The following NR4A1 variants were observed in gnomAD, a reference collection of about 807,000 sequenced individuals.
NR4A1 encodes nuclear receptor subfamily 4 group A member 1.
In NR4A1, 24 loss-of-function variants were observed where a neutral mutation model predicts 47.5. The observed-to-expected ratio is 0.50, with a 90% CI of 0.37 to 0.71. NR4A1 has a LOEUF of 0.71. NR4A1 is among the 30% of genes least tolerant of loss of function. NR4A1 has a pLI of 0.00. For synonymous variants in NR4A1, 353 were observed against 345.7 expected (o/e 1.02, Z -0.24); for missense variants, 669 against 788.6 (o/e 0.85, Z 1.82).
chr12:52,054,489 G>A lies in NR4A1; in HGVS notation c.161G>A (p.Ser54Asn). 6.2e-7 allele frequency: 1 copy of A among 1,613,828 alleles called. No homozygotes were observed. Among genetic ancestry groups the A allele is most frequent in the Non-Finnish European group, 8.5e-7 (1 of 1,179,966 alleles). The change falls in exon 2 of 7, where the codon AGC (serine) becomes AAC (asparagine). Residue 54 changes from serine (S) to asparagine (N), a missense_variant. Ser to Asn is a conservative substitution (Grantham distance 46). Transcript: ENST00000394825. ...GCCCCCACTGCCCTGCCCAGCTTCA[G>A]CACCTTCATGGACGGCTACACAGGA... Reference protein sequence around the residue: ...PAAPTALPSFSTFMDGYTGEF... With the variant: ...PAAPTALPSFNTFMDGYTGEF...
At chr12:52,051,760 G>A in intron 1 of NR4A1, among the ~76,000 whole-genome samples, 192 bp downstream of exon 1, 1 of 152,184 alleles carries the variant, frequency 6.6e-6, no homozygotes, top group Non-Finnish European at 1.5e-5. Flanking sequence ...AGGTAGGGGA[G>A]GTTGACTACC....
At chr12:52,042,585 A>G (rs966535619) in intron 2 of NR4A1, among the ~76,000 whole-genome samples, 5 of 152,152 alleles carry the variant, frequency 3.3e-5, no homozygotes, top group Non-Finnish European at 7.4e-5. Context: ...GGGGTCCTGC[A>G]GTGAGGATGT....
chr12:52,051,805 G>A (rs919945752), intron 1 of NR4A1, among the ~76,000 whole-genome samples: 1 of 152,082 alleles, frequency 6.6e-6, no homozygotes, highest in Non-Finnish European at 1.5e-5. Context: ...TGGGGTTGGC[G>A]CCGGGAGTAG....
chr12:52,024,691 C>CAAGAAAGAAAGAAGAAGAAGAA (rs1937968669), intron 1 of NR4A1, among the ~76,000 whole-genome samples: 1 of 150,068 alleles, frequency 6.7e-6, no homozygotes, highest in Non-Finnish European at 1.5e-5. Context: ...GATCCTGTCA[C>CAAGAAAGAAAGAAGAAGAAGAA]AAGAAAGAAA....
chr12:52,039,892 T>C (rs991159552), intron 1 of NR4A1, among the ~76,000 whole-genome samples: 2 of 152,168 alleles, frequency 1.3e-5, no homozygotes, highest in Admixed American at 1.3e-4. Context: ...GAATGGCAGA[T>C]GCAGAGGCCC....
intron 1 of NR4A1, among the ~76,000 whole-genome samples, chr12:52,033,669 G>A (rs911156998): frequency 1.3e-5 from 2 of 152,204 alleles, no homozygotes; most frequent in Non-Finnish European, 2.9e-5. Flanking sequence ...CCCCATCTGG[G>A]CGGTGTCTCT....
intron 1 of NR4A1, among the ~76,000 whole-genome samples, chr12:52,034,141 G>A (rs1272253842): frequency 1.3e-5 from 2 of 152,200 alleles, no homozygotes; most frequent in Non-Finnish European, 2.9e-5. Flanking sequence ...AAGGTTTGGG[G>A]GCAGCCTCTC....
chr12:52,028,634 G>T (rs190093605), intron 1 of NR4A1, among the ~76,000 whole-genome samples: 1 of 150,818 alleles, frequency 6.6e-6, no homozygotes, highest in Non-Finnish European at 1.5e-5. Context: ...GGCCAGGCGC[G>T]GTAGCTCATG....
In NR4A1 at chr12:52,045,630, G is replaced by A. The variant is rs1033220465; in HGVS notation, c.37+3701G>A. 1.5e-5 allele frequency: 6 copies of A among 411,234 alleles called. No individual in the cohort carries two copies. The East Asian group carries it at 2.4e-4, about 17-fold the overall frequency. The allele number at this position is 411,234 out of a possible 1,614,324, so 25.5% of individuals were successfully genotyped here. A position where few individuals can be genotyped will look rare whatever the true frequency, so the allele number is the denominator to read the frequency against. On this transcript the variant is annotated intron_variant, in intron 2 of 7. Coordinates refer to the NR4A1 transcript ENST00000360284. ...GAGGAAGCAGTCTTGGAGAGGACAA[G>A]GGACTGGCCTCAGGTCACACATCAG...
Position 52,051,470 on chromosome 12 carries a change from G to C in NR4A1, c.-101G>C. 1.0e-6 allele frequency: 1 copy of C among 985,568 alleles called. No homozygotes were observed. The highest frequency in any genetic ancestry group is 1.2e-6 in the Non-Finnish European group (1 of 830,024). The allele number at this position is 985,568 out of a possible 1,614,324, so 61.1% of individuals were successfully genotyped here. On this transcript the variant is annotated 5_prime_UTR_variant, in exon 1 of 7. Coordinates refer to ENST00000394825, the MANE Select transcript of NR4A1 (RefSeq NM_173157.3). ...CCCAGTGGCGGAGGCTACGAAACTT[G>C]GGGGAGTGCACAGAAGAACTTCGGG...
intron 2 of NR4A1, chr12:52,043,823 A>G: frequency 7.8e-7 from 1 of 1,288,730 alleles, no homozygotes; most frequent in Non-Finnish European, 1.0e-6. Flanking sequence ...ACCACCAGGA[A>G]GAGCCCCCAA....
intron 1 of NR4A1, among the ~76,000 whole-genome samples, chr12:52,031,637 AAAACAAAC>A (rs890904734): frequency 1.6e-4 from 25 of 152,096 alleles, no homozygotes; most frequent in Non-Finnish European, 2.8e-4. Context: ...ACTCCGTCTC[AAAACAAAC>A]AAACAAACAA....
In NR4A1 at chr12:52,058,938, C is replaced by G. The variant is rs769441111; in HGVS notation, c.1791C>G (p.Pro597=). ...IIDKIFMDTL[P]F is the part of the protein sequence containing the mutation. ...ACAAGATCTTCATGGACACGCTGCCCTTCTGACCCCTGCCTGGGAACACGT... is the reference window on the plus strand; with the variant it reads ...ACAAGATCTTCATGGACACGCTGCCGTTCTGACCCCTGCCTGGGAACACGT... Residue 597 remains proline (P), a synonymous_variant, in exon 7 of 7, where the codon CCC becomes CCG. Coordinates refer to ENST00000394825, the MANE Select transcript of NR4A1 (RefSeq NM_173157.3). The G allele has an allele frequency of 1.9e-6, 3 of 1,609,828 alleles. No individual in the cohort carries two copies. The African/African-American group carries it at 4.0e-5, about 21-fold the overall frequency.
At chr12:52,042,791 C>T (rs1010755914) in intron 2 of NR4A1, among the ~76,000 whole-genome samples, 8 of 152,192 alleles carry the variant, frequency 5.3e-5, no homozygotes, top group African/African-American at 1.9e-4. Flanking sequence ...GCCAAGGGCA[C>T]TGTAGTCCTG....
intron 1 of NR4A1, chr12:52,052,681 G>A (rs758264654): frequency 1.3e-5 from 13 of 984,316 alleles, no homozygotes; most frequent in Non-Finnish European, 1.6e-5. Flanking sequence ...GAACCTGCAT[G>A]AAGGGGGAGG....
At chr12:52,048,543 G>A (rs1349214702), upstream of NR4A1, among the ~76,000 whole-genome samples, 2 of 152,160 alleles carry the variant, frequency 1.3e-5, no homozygotes, top group Non-Finnish European at 2.9e-5. Context: ...GCAGTGAGCC[G>A]AGATAGTGCC....
chr12:52,057,239 CA>C lies in NR4A1; in HGVS notation c.1342del (p.Ile448SerfsTer88). 1 of 1,613,866 alleles carries C rather than the reference CA, an allele frequency of 6.2e-7. No individual in the cohort carries two copies. Among genetic ancestry groups the C allele is most frequent in the Non-Finnish European group, 8.5e-7 (1 of 1,179,866 alleles). On this transcript the variant is annotated frameshift_variant, in exon 5 of 7. Coordinates refer to ENST00000394825, the MANE Select transcript of NR4A1 (RefSeq NM_173157.3). LOFTEE classifies it high-confidence loss of function. The stretch of plus-strand genomic sequence containing the variant: ...TGGAGTCGGCCTTCCTGGAGCTCTT[CA>C]TCCTCCGCCTGGCGTACAGGTGAGA... ...LLESAFLELFILRLAYRSKPG... is the reference protein window; with the variant it reads ...LLESAFLELFXLRLAYRSKPG...
chr12:52,036,635 T>A (rs1938243078), intron 1 of NR4A1, among the ~76,000 whole-genome samples: 1 of 152,238 alleles, frequency 6.6e-6, no homozygotes, highest in South Asian at 2.1e-4. Context: ...AAGTGCCCTC[T>A]TCAGGAGAAA....
chr12:52,045,995 G>A (rs1345251801), intron 2 of NR4A1, among the ~76,000 whole-genome samples: 1 of 152,230 alleles, frequency 6.6e-6, no homozygotes, highest in African/African-American at 2.4e-5. Flanking sequence ...CCCTGGGGCC[G>A]AGGAGGGGAA....
Sources: gnomAD v4.1 joint callset for allele counts (sites outside exome capture counted in the v4.1 genomes callset) on GRCh38, gnomAD v4.1.1 for gene constraint, MANE v1.5 for transcripts, NCBI Gene and HGNC (gene_info 2026-07-23, HGNC 2026-07-21) for gene names.